The following SNAPC4 variants were observed in gnomAD, a reference collection of about 807,000 sequenced individuals.
SNAPC4 encodes the protein snRNA-activating protein complex subunit 4.
In SNAPC4, 127 loss-of-function variants were observed where a neutral mutation model predicts 151.3. The ratio of observed to expected loss-of-function variants is 0.84; its 90% CI spans 0.73 to 0.97. SNAPC4 has a LOEUF of 0.97. Among genes scored for constraint, SNAPC4 ranks in the 50% least tolerant of loss-of-function variants. SNAPC4 has a pLI of 0.00. For synonymous variants in SNAPC4, 1,002 were observed against 824.4 expected (o/e 1.22, Z -3.69); for missense variants, 2,186 against 1,935.0 (o/e 1.13, Z -2.43).
At chr9:136,385,031 G>C (rs1833845100) in intron 13 of SNAPC4, among the ~76,000 whole-genome samples, 1 of 152,210 alleles carries the variant, frequency 6.6e-6, no homozygotes. Context: ...GAGAACGTTT[G>C]CAAGTCACGT....
chr9:136,376,398 G>T lies in SNAPC4; in HGVS notation c.4368C>A (p.Thr1456=), dbSNP rs747844904. Reference sequence around the variant, plus strand: ...GCTTCCGGGTGTGCCTGGCATGCCGGGTTCTGAGCACGTCCAGGTCGTCAG... The same window carrying T: ...GCTTCCGGGTGTGCCTGGCATGCCGTGTTCTGAGCACGTCCAGGTCGTCAG... ...NDPDDLDVLR[T]RHARHTRKRR... The change falls in exon 23 of 24, where the codon ACC becomes ACA. Residue 1456 remains threonine, a synonymous_variant. Coordinates refer to ENST00000684778, the MANE Select transcript of SNAPC4 (RefSeq NM_003086.4). The T allele has an allele frequency of 6.2e-7, 1 of 1,613,448 alleles. No homozygotes were observed. Among genetic ancestry groups the T allele is most frequent in the Admixed American group, 1.7e-5 (1 of 60,030 alleles).
chr9:136,386,764 T>C (rs919574777), intron 13 of SNAPC4, among the ~76,000 whole-genome samples: 1 of 151,486 alleles, frequency 6.6e-6, no homozygotes, highest in Non-Finnish European at 1.5e-5. Context: ...AATTAATTAA[T>C]ATTTTTTTGA....
At chr9:136,379,362 G>A (rs972959639) in intron 21 of SNAPC4, 63 bp from the exon 22 acceptor site, 13 of 1,596,662 alleles carry the variant, frequency 8.1e-6, no homozygotes, top group African/African-American at 2.7e-5. Flanking sequence ...ACAGCCCCTC[G>A]CTGCCATCCC....
chr9:136,392,377 C>T, intron 9 of SNAPC4, 145 bp downstream of exon 9: 1 of 873,060 alleles, frequency 1.1e-6, no homozygotes, highest in East Asian at 2.4e-5. Flanking sequence ...GACTGTGGGA[C>T]ATGTGCTTGA....
intron 13 of SNAPC4, among the ~76,000 whole-genome samples, chr9:136,385,702 C>T (rs1374891962): frequency 6.6e-6 from 1 of 151,904 alleles, no homozygotes; most frequent in African/African-American, 2.4e-5. Flanking sequence ...ATTACAGGTG[C>T]CCACCACCAT....
rs1267346157 is a variant in SNAPC4, at chr9:136,391,930, C to T, written c.975+12G>A. On this transcript the variant is annotated intron_variant, in intron 10 of 23. Transcript: ENST00000684778. ...GGTCTCCTGGCCCCTGGGGTCCAGG[C>T]CAGGCCCTTACCCCCAGCTCCTCTG... 1 of 1,599,474 alleles carries T rather than the reference C, an allele frequency of 6.3e-7. No homozygotes were observed. The highest frequency in any genetic ancestry group is 2.2e-5 in the East Asian group (1 of 44,858).
rs192655196 is a variant in SNAPC4, at chr9:136,383,666, C to T, written c.1503G>A (p.Lys501=). 5.1e-5 allele frequency: 81 copies of T among 1,600,150 alleles called. No individual in the cohort carries two copies. Among genetic ancestry groups the T allele is most frequent in the Middle Eastern group, 1.7e-4 (1 of 6,000 alleles). Residue 501 remains lysine (K), a splice_region_variant and synonymous_variant, in exon 16 of 24, where the codon AAG becomes AAA. Coordinates refer to ENST00000684778, the MANE Select transcript of SNAPC4 (RefSeq NM_003086.4). The surrounding 1 kb of genome is among the most constrained non-coding windows in gnomAD (Gnocchi z 4.2). The stretch of plus-strand genomic sequence containing the variant: ...GCCGCCGCCTCCGGAGACCCTGCTT[C>T]TTCTGAGGGGAGGAAAGAGCTACTT... ...CLSKWKIMMG[K]KQGLRRRRRR... is the part of the protein sequence containing the mutation.
At chr9:136,388,128 G>A (rs1212383865) in intron 11 of SNAPC4, among the ~76,000 whole-genome samples, 5 of 152,136 alleles carry the variant, frequency 3.3e-5, no homozygotes, top group South Asian at 2.1e-4. Context: ...TTAGCTGGGC[G>A]TGGTGGCGCA....
At chr9:136,389,051 A>G (rs979175877) in intron 10 of SNAPC4, among the ~76,000 whole-genome samples, 1 of 152,190 alleles carries the variant, frequency 6.6e-6, no homozygotes, top group African/African-American at 2.4e-5. Flanking sequence ...GGTACGGGAC[A>G]GCCCTTGGTT....
chr9:136,381,336 T>TA lies in SNAPC4; in HGVS notation c.2373dup (p.Thr792TyrfsTer248). On this transcript the variant is annotated frameshift_variant, in exon 19 of 24. Coordinates refer to ENST00000684778, the MANE Select transcript of SNAPC4 (RefSeq NM_003086.4). LOFTEE classifies it high-confidence loss of function. ...AAGTAGCTTACCTGGGTAAACAGGGTAAACACAGGGGTGCTGGCCAGGCGG... is the reference window on the plus strand; with the variant it reads ...AAGTAGCTTACCTGGGTAAACAGGGTAAAACACAGGGGTGCTGGCCAGGCGG... The TA allele has an allele frequency of 6.2e-7, 1 of 1,612,658 alleles. No homozygotes were observed. Among genetic ancestry groups the TA allele is most frequent in the Non-Finnish European group, 8.5e-7 (1 of 1,179,706 alleles).
rs1271233144 is a variant in SNAPC4 at position 136,383,223 on chromosome 9, T to A, written c.1946A>T (p.Asp649Val). The A allele has an allele frequency of 6.4e-7, 1 of 1,567,356 alleles. No individual in the cohort carries two copies. Among genetic ancestry groups the A allele is most frequent in the East Asian group, 2.3e-5 (1 of 44,374 alleles). The change falls in exon 16 of 24, where the codon GAC becomes GTC. Residue 649 changes from aspartate to valine, a missense_variant. Asp to Val is a radical substitution (Grantham distance 152). Coordinates refer to ENST00000684778, the MANE Select transcript of SNAPC4 (RefSeq NM_003086.4). The surrounding 1 kb of genome is among the most constrained non-coding windows in gnomAD (Gnocchi z 4.2). ...PRSAQASHSA[D>V]TRPAGAEKQA... ...CTTCTCTGCGCCCGCCGGGCGAGTG[T>A]CTGCTGAGTGGGAGGCCTGGGCAGA...
At chr9:136,376,591 CAG>C in intron 22 of SNAPC4, 110 bp from the exon 23 acceptor site, 2 of 1,327,812 alleles carry the variant, frequency 1.5e-6, no homozygotes, top group Non-Finnish European at 2.1e-6. Context: ...CCACTTGGGA[CAG>C]GGCACCCTCA....
intron 3 of SNAPC4, among the ~76,000 whole-genome samples, chr9:136,396,314 A>C (rs1816054675): frequency 6.6e-6 from 1 of 152,274 alleles, no homozygotes; most frequent in South Asian, 2.1e-4. Flanking sequence ...TTGCAGAAAA[A>C]GGAAGCAGCA....
intron 7 of SNAPC4, 52 bp downstream of exon 7, chr9:136,394,197 G>A (rs1486806595): frequency 2.1e-6 from 3 of 1,421,688 alleles, no homozygotes; most frequent in East Asian, 4.6e-5. Flanking sequence ...TTCCAGGCAT[G>A]AGCCCTATGC....
rs1401912721 is a variant in SNAPC4 at position 136,388,527 on chromosome 9, T to C, written c.1040A>G (p.Lys347Arg). 6.2e-7 allele frequency: 1 copy of C among 1,613,986 alleles called. No homozygotes were observed. Among genetic ancestry groups the C allele is most frequent in the Non-Finnish European group, 8.5e-7 (1 of 1,180,036 alleles). The change falls in exon 11 of 24, where the codon AAG becomes AGG. Residue 347 changes from lysine (K) to arginine (R), a missense_variant. Coordinates refer to ENST00000684778, the MANE Select transcript of SNAPC4 (RefSeq NM_003086.4). Reference sequence around the variant, plus strand: ...GCGGTCCTCCTCCTCTGTCCACTCCTTGCGTTTCAGAGCTTTGTTGTGCTG... The same window carrying C: ...GCGGTCCTCCTCCTCTGTCCACTCCCTGCGTTTCAGAGCTTTGTTGTGCTG... ...FQQHNKALKR[K>R]EWTEEEDRML...
In SNAPC4 at chr9:136,394,802, T is replaced by C. The variant is rs1323510757; in HGVS notation, c.548A>G (p.Lys183Arg). The C allele has an allele frequency of 6.2e-7, 1 of 1,613,666 alleles. No homozygotes were observed. Among genetic ancestry groups the C allele is most frequent in the Admixed American group, 1.7e-5 (1 of 60,010 alleles). Residue 183 changes from lysine (K) to arginine (R), a missense_variant and splice_region_variant, in exon 6 of 24, where the codon AAA (lysine) becomes AGA (arginine). Physicochemically the swap from Lys to Arg is conservative, Grantham distance 26 (BLOSUM62 2). Coordinates refer to ENST00000684778, the MANE Select transcript of SNAPC4 (RefSeq NM_003086.4). ...IKAFEELLVT[K>R]WKNWEKALLR... ...GCAGGGCCGGCCAGGGCTCTTACAT[T>C]TGGTCACAAGGAGCTCCTCGAAAGC...
chr9:136,379,750 T>G (rs946101730), intron 21 of SNAPC4, 87 bp downstream of exon 21: 1 of 1,243,948 alleles, frequency 8.0e-7, no homozygotes, highest in Non-Finnish European at 1.2e-6. Context: ...TTGGGGGCTG[T>G]GGGTGAAAGC....
Position 136,378,611 on chromosome 9 carries a change from G to C in SNAPC4, c.3216C>G (p.Val1072=). ...TGAGCACCCAGGTGACAGGCAGGGGGACACTGGTCGCCACATGTGGCCCTC... is the reference window on the plus strand; with the variant it reads ...TGAGCACCCAGGTGACAGGCAGGGGCACACTGGTCGCCACATGTGGCCCTC... ...HIGGPHVATS[V]PLPVTWVLTA... The change falls in exon 22 of 24, where the codon GTC becomes GTG. Residue 1072 remains valine, a synonymous_variant. Transcript: ENST00000684778. 1 of 1,571,786 alleles carries C rather than the reference G, an allele frequency of 6.4e-7. No homozygotes were observed. The highest frequency in any genetic ancestry group is 1.2e-5 in the South Asian group (1 of 86,060).
Position 136,380,811 on chromosome 9 carries a change from G to C in SNAPC4, c.2428C>G (p.Arg810Gly). 1 of 1,611,560 alleles carries C rather than the reference G, an allele frequency of 6.2e-7. No homozygotes were observed. Among genetic ancestry groups the C allele is most frequent in the Non-Finnish European group, 8.5e-7 (1 of 1,178,772 alleles). ...IDTAGCLEVV[R>G]ERKALPPRLP... is the part of the protein sequence containing the mutation. ...CTGGGTGGCAGGGCCTTCCTCTCTC[G>C]GACGACCTCCAAGCAGCCGGCAGTA... is the stretch of plus-strand genomic sequence containing the variant. Residue 810 changes from arginine to glycine, a missense_variant, in exon 20 of 24, where the codon CGA (arginine) becomes GGA (glycine). Arg to Gly is a moderately radical substitution (Grantham distance 125). Coordinates refer to ENST00000684778, the MANE Select transcript of SNAPC4 (RefSeq NM_003086.4).
Sources: gnomAD v4.1 joint callset for allele counts (sites outside exome capture counted in the v4.1 genomes callset) on GRCh38, gnomAD v4.1.1 for gene constraint, Gnocchi (gnomAD v3.1) non-coding constraint, MANE v1.5 for transcripts, NCBI Gene and HGNC (gene_info 2026-07-23, HGNC 2026-07-21) for gene names.